The following RGS8 variants were observed in gnomAD, a reference collection of about 807,000 sequenced individuals.
RGS8 encodes the protein regulator of G-protein signaling 8.
A neutral mutation model predicts 21.7 loss-of-function variants in RGS8; 8 were observed. The observed-to-expected ratio is 0.37, with a 90% CI of 0.22 to 0.66. The LOEUF is 0.66. Ranked by LOEUF, RGS8 falls within the 30% of genes least tolerant of loss-of-function variation. The probability of loss-of-function intolerance (pLI) is 0.59; values close to 1 mark genes in which losing one functional copy is unlikely to be tolerated. For synonymous variants in RGS8, 80 were observed against 83.6 expected (o/e 0.96, Z 0.24); for missense variants, 157 against 217.9 (o/e 0.72, Z 1.76).
At chr1:182,648,452 A>C in intron 5 of RGS8, 149 bp from the exon 7 acceptor site, 16 of 781,602 alleles carry the variant, frequency 2.0e-5, no homozygotes, top group Non-Finnish European at 3.0e-5. Flanking sequence ...CCCCATTCTC[A>C]TCTGGGTGCA....
the RGS8 span, among the ~76,000 whole-genome samples, chr1:182,725,383 G>T: frequency 6.6e-6 from 1 of 152,214 alleles, no homozygotes; most frequent in Admixed American, 6.5e-5. Flanking sequence ...CCAACTTCCT[G>T]TGGACTCAGA....
At chr1:182,674,026 G>A (rs192560162), upstream of RGS8, among the ~76,000 whole-genome samples, 36 of 152,294 alleles carry the variant, frequency 2.4e-4, 1 homozygote, top group South Asian at 5.4e-3. Flanking sequence ...ACAGAGACGC[G>A]TCATTTAAAA....
the RGS8 span, among the ~76,000 whole-genome samples, chr1:182,721,044 TAC>T: frequency 0.039 from 1,922 of 48,688 alleles, 160 homozygotes; most frequent in African/African-American, 0.068. Flanking sequence ...TATATACATA[TAC>T]ATACATATAT....
the RGS8 span, among the ~76,000 whole-genome samples, chr1:182,695,886 T>A: frequency 6.4e-3 from 976 of 152,340 alleles, 4 homozygotes; most frequent in Middle Eastern, 0.014. Flanking sequence ...CTGGTAGATG[T>A]GGAATTTCAA....
chr1:182,738,751 G>C, the RGS8 span, among the ~76,000 whole-genome samples: 3 of 152,310 alleles, frequency 2.0e-5, no homozygotes, highest in East Asian at 5.8e-4. Context: ...CACTGAACAA[G>C]AGCAAACCAA....
chr1:182,734,674 C>A, the RGS8 span: 1 of 152,096 alleles, frequency 6.6e-6, no homozygotes, highest in East Asian at 1.9e-4. Context: ...CTAATATTAA[C>A]AAAGGAGGTG....
At chr1:182,707,083 G>T in the RGS8 span, among the ~76,000 whole-genome samples, 9 of 152,072 alleles carry the variant, frequency 5.9e-5, no homozygotes, top group South Asian at 2.1e-4. Flanking sequence ...AGCTTGAACC[G>T]GGAGGTGGAG....
Position 182,657,332 on chromosome 1 carries a change from C to G in RGS8, c.193+8637G>C, listed in dbSNP as rs945074395. Among the ~76,000 whole-genome samples, 6 of 152,206 alleles carry G rather than the reference C, an allele frequency of 3.9e-5. 1 individual carries two copies. Among genetic ancestry groups the G allele is most frequent in the Admixed American group, 3.3e-4 (5 of 15,284 alleles). On this transcript the variant is annotated intron_variant, in intron 5 of 6. Coordinates refer to ENST00000483095, the Ensembl canonical transcript of RGS8. ...TTTCCTTTTTGTCCTCTTCCTCTAT[C>G]TTTCCCCTTTCCCTCCACCAGGACC...
chr1:182,697,962 C>T, the RGS8 span, among the ~76,000 whole-genome samples: 1 of 152,158 alleles, frequency 6.6e-6, no homozygotes, highest in Admixed American at 6.5e-5. Context: ...TTTCCAAAAG[C>T]TTTGGCGTGT....
the RGS8 span, among the ~76,000 whole-genome samples, chr1:182,736,044 A>G: frequency 6.6e-6 from 1 of 152,142 alleles, no homozygotes. Flanking sequence ...ACTTAATATC[A>G]TTTTTCAAAT....
At chr1:182,693,237 T>C in the RGS8 span, among the ~76,000 whole-genome samples, 22 of 152,306 alleles carry the variant, frequency 1.4e-4, no homozygotes, top group African/African-American at 5.1e-4. Flanking sequence ...AACAAAGGTT[T>C]AATATCCAGA....
the RGS8 span, among the ~76,000 whole-genome samples, chr1:182,734,963 T>C: frequency 2.6e-5 from 4 of 152,232 alleles, no homozygotes; most frequent in Non-Finnish European, 4.4e-5. Context: ...TTTAGCACAA[T>C]ATAACCAAGA....
chr1:182,708,410 C>T, the RGS8 span, among the ~76,000 whole-genome samples: 1 of 152,182 alleles, frequency 6.6e-6, no homozygotes. Flanking sequence ...GACTCACAGC[C>T]GCTGCAGGTC....
chr1:182,663,052 C>A (rs585966), intron 5 of RGS8, among the ~76,000 whole-genome samples: 15,100 of 152,144 alleles, frequency 0.099, 1,987 homozygotes, highest in African/African-American at 0.31. Context: ...TTCTAGACTC[C>A]TGAACATTTT....
At chr1:182,704,525 G>T in the RGS8 span, among the ~76,000 whole-genome samples, 1 of 152,326 alleles carries the variant, frequency 6.6e-6, no homozygotes, top group South Asian at 2.1e-4. Context: ...AGCAGGTAAG[G>T]GGGGGCATCT....
the RGS8 span, among the ~76,000 whole-genome samples, chr1:182,751,704 G>A: frequency 6.6e-6 from 1 of 151,932 alleles, no homozygotes; most frequent in African/African-American, 2.4e-5. Flanking sequence ...CCAAGCATTA[G>A]GTACATAATA....
chr1:182,724,244 A>ATC, the RGS8 span, among the ~76,000 whole-genome samples: 14 of 119,752 alleles, frequency 1.2e-4, no homozygotes, highest in South Asian at 2.7e-4. Flanking sequence ...ATATATATAT[A>ATC]TATCCTATTA....
upstream of RGS8, among the ~76,000 whole-genome samples, chr1:182,688,642 G>T (rs906099432): frequency 3.3e-5 from 5 of 152,180 alleles, no homozygotes; most frequent in South Asian, 2.1e-4. Flanking sequence ...CCTTAAAAGT[G>T]AAAGAGGAAG....
the RGS8 span, among the ~76,000 whole-genome samples, chr1:182,739,944 C>T: frequency 3.3e-5 from 5 of 152,208 alleles, no homozygotes; most frequent in Non-Finnish European, 2.9e-5. Context: ...TCCTGTCTCA[C>T]ACATTCCATG....
Sources: gnomAD v4.1 joint callset for allele counts (sites outside exome capture counted in the v4.1 genomes callset) on GRCh38, gnomAD v4.1.1 for gene constraint, MANE v1.5 for transcripts, NCBI Gene and HGNC (gene_info 2026-07-23, HGNC 2026-07-21) for gene names.